The following FTCDNL1 variants were observed in gnomAD, a reference collection of about 807,000 sequenced individuals.
FTCDNL1 encodes formiminotransferase N-terminal subdomain-containing protein.
Under a neutral mutation model 5.9 loss-of-function variants are expected in FTCDNL1, and 11 were observed. The observed-to-expected ratio is 1.87, with a 90% CI of 1.18 to 3.10. The LOEUF is 3.10. FTCDNL1 is among the 30% of genes most tolerant of loss of function. The pLI is 0.00. For synonymous variants in FTCDNL1, 58 were observed against 24.8 expected (o/e 2.34, Z -3.99); for missense variants, 115 against 65.5 (o/e 1.76, Z -2.61).
At chr2:199,695,124 G>A in the FTCDNL1 span, among the ~76,000 whole-genome samples, 84 of 152,244 alleles carry the variant, frequency 5.5e-4, no homozygotes, top group African/African-American at 1.8e-3. Context: ...CAAGTCAAGC[G>A]ACTAATCCCA....
rs1230237557 is a variant in FTCDNL1, at chr2:199,851,112, G to T, written c.-380C>A. On this transcript the variant is annotated 5_prime_UTR_variant, in exon 1 of 5. The change creates a new upstream start codon in the 5' untranslated region. Coordinates refer to ENST00000420128, the MANE Select transcript of FTCDNL1 (RefSeq NM_001363886.2). ...GGCGGTGGGGCAGGGCGACCGCCCA[G>T]CCCAAGTCGCCGCCGCGCGTGGCCC... The T allele has an allele frequency of 6.7e-6, 1 of 148,764 alleles. No individual in the cohort carries two copies. Among genetic ancestry groups the T allele is most frequent in the Non-Finnish European group, 1.5e-5 (1 of 66,786 alleles). 9.2% of individuals were successfully genotyped at this position (148,764 alleles called of 1,614,324 possible).
the FTCDNL1 span, among the ~76,000 whole-genome samples, chr2:199,681,098 G>C: frequency 1.1e-4 from 17 of 152,282 alleles, no homozygotes; most frequent in Non-Finnish European, 2.4e-4. Flanking sequence ...TTATTTAAAG[G>C]GTTACTTGAT....
chr2:199,767,480 T>C (rs1248276861), intron 3 of FTCDNL1, among the ~76,000 whole-genome samples: 1 of 152,254 alleles, frequency 6.6e-6, no homozygotes, highest in Non-Finnish European at 1.5e-5. Flanking sequence ...ACTGCATTAA[T>C]TAATGCCATG....
chr2:199,824,804 C>A (rs1701921964), intron 3 of FTCDNL1, among the ~76,000 whole-genome samples: 1 of 152,068 alleles, frequency 6.6e-6, no homozygotes, highest in Non-Finnish European at 1.5e-5. Flanking sequence ...ATTCGTGGCA[C>A]CCCAAACATC....
chr2:199,784,698 T>C (rs921825724), intron 3 of FTCDNL1, among the ~76,000 whole-genome samples: 3 of 152,186 alleles, frequency 2.0e-5, no homozygotes, highest in African/African-American at 7.2e-5. Flanking sequence ...CTTTGTACCA[T>C]ACATCAGCCA....
the FTCDNL1 span, among the ~76,000 whole-genome samples, chr2:199,747,909 A>G: frequency 6.6e-6 from 1 of 151,664 alleles, no homozygotes; most frequent in African/African-American, 2.4e-5. Context: ...TGGCCTGGGA[A>G]CCTCTGTTTT....
At chr2:199,800,919 A>G (rs1483876134) in intron 3 of FTCDNL1, among the ~76,000 whole-genome samples, 1 of 152,266 alleles carries the variant, frequency 6.6e-6, no homozygotes, top group African/African-American at 2.4e-5. Context: ...CAACATATAC[A>G]TAAGTGCAGC....
At chr2:199,698,309 C>T in the FTCDNL1 span, among the ~76,000 whole-genome samples, 1 of 152,222 alleles carries the variant, frequency 6.6e-6, no homozygotes, top group Non-Finnish European at 1.5e-5. Flanking sequence ...CAGAACACTT[C>T]ACCCAACAAC....
chr2:199,679,947 C>T, the FTCDNL1 span, among the ~76,000 whole-genome samples: 1 of 152,108 alleles, frequency 6.6e-6, no homozygotes, highest in African/African-American at 2.4e-5. Context: ...ATGAATGTAA[C>T]ACCAATTATT....
At chr2:199,711,377 G>T in the FTCDNL1 span, among the ~76,000 whole-genome samples, 2 of 140,150 alleles carry the variant, frequency 1.4e-5, no homozygotes, top group Non-Finnish European at 3.1e-5. Flanking sequence ...GGGGCGGGGG[G>T]GGGATTGAAA....
chr2:199,679,742 G>A, the FTCDNL1 span, among the ~76,000 whole-genome samples: 1 of 151,846 alleles, frequency 6.6e-6, no homozygotes, highest in Non-Finnish European at 1.5e-5. Context: ...TTTTCATTGT[G>A]TGAGATTAGG....
intron 3 of FTCDNL1, among the ~76,000 whole-genome samples, chr2:199,787,219 T>C (rs1311311902): frequency 1.3e-5 from 2 of 152,098 alleles, no homozygotes; most frequent in Admixed American, 6.5e-5. Context: ...TCTCGCTCTG[T>C]CACCCAGGCT....
At chr2:199,832,210 T>C (rs938489286) in intron 3 of FTCDNL1, among the ~76,000 whole-genome samples, 6 of 152,256 alleles carry the variant, frequency 3.9e-5, no homozygotes, top group Non-Finnish European at 8.8e-5. Flanking sequence ...AGATGTGATA[T>C]AATTCATTTA....
Position 199,810,189 on chromosome 2 carries a change from C to A in FTCDNL1, c.*2516G>T, listed in dbSNP as rs1476326465. On this transcript the variant is annotated 3_prime_UTR_variant, in exon 5 of 5. Transcript: ENST00000420128. ...ATGGGGGCTTGAATTCAATGACAGG[C>A]CTAAGAGTCTCAGAGACAGGAGTAA... 6.6e-6 allele frequency among the ~76,000 whole-genome samples: 1 copy of A among 152,086 alleles called. No individual in the cohort carries two copies. Among genetic ancestry groups the A allele is most frequent in the Non-Finnish European group, 1.5e-5 (1 of 68,026 alleles).
intron 3 of FTCDNL1, among the ~76,000 whole-genome samples, chr2:199,762,748 ATATAT>A (rs1420759236): frequency 6.6e-6 from 1 of 152,212 alleles, no homozygotes; most frequent in African/African-American, 2.4e-5. Flanking sequence ...CCTATGTCAT[ATATAT>A]TATATCACAT....
chr2:199,784,653 G>A (rs535751284), intron 3 of FTCDNL1, among the ~76,000 whole-genome samples: 11 of 152,286 alleles, frequency 7.2e-5, no homozygotes, highest in South Asian at 4.2e-4. Context: ...TTGGAGCTGG[G>A]ACTCTCCCTC....
the FTCDNL1 span, among the ~76,000 whole-genome samples, chr2:199,669,691 C>T: frequency 6.6e-6 from 1 of 152,112 alleles, no homozygotes; most frequent in Non-Finnish European, 1.5e-5. Context: ...TTCTGCCGAA[C>T]CTTTTGTTTG....
intron 4 of FTCDNL1, among the ~76,000 whole-genome samples, chr2:199,814,065 C>T (rs546535581): frequency 5.0e-4 from 76 of 151,758 alleles, no homozygotes; most frequent in Non-Finnish European, 9.1e-4. Context: ...TTCAGAGTAA[C>T]AAACAGAGCA....
intron 3 of FTCDNL1, among the ~76,000 whole-genome samples, chr2:199,828,960 A>C (rs2106563079): frequency 6.6e-6 from 1 of 152,320 alleles, no homozygotes; most frequent in Admixed American, 6.5e-5. Context: ...TCAATTTTCC[A>C]CAGTCGTGTT....
Sources: allele counts gnomAD v4.1 joint callset (sites outside exome capture counted in the v4.1 genomes callset), GRCh38; gene constraint gnomAD v4.1.1; transcripts MANE v1.5; gene names NCBI Gene and HGNC (gene_info 2026-07-23, HGNC 2026-07-21).